Variants in NECAB1 observed in about 807,000 individuals in gnomAD.
NECAB1 encodes N-terminal EF-hand calcium binding protein 1.
Under a neutral mutation model 57.5 loss-of-function variants are expected in NECAB1, and 29 were observed. That is an observed-to-expected ratio of 0.50 (90% CI 0.38 to 0.69). NECAB1 has a LOEUF of 0.69. NECAB1 is among the 30% of genes least tolerant of loss of function. The pLI, the probability that NECAB1 is intolerant of heterozygous loss-of-function variation, is 0.00. For synonymous variants in NECAB1, 142 were observed against 147.7 expected, an observed-to-expected ratio of 0.96 and a Z score of 0.28; for missense variants, 372 against 413.8, an observed-to-expected ratio of 0.90 and a Z score of 0.88.
intron 9 of NECAB1, chr8:90,940,478 C>A: frequency 3.8e-6 from 1 of 263,394 alleles, no homozygotes; most frequent in Admixed American, 4.5e-5. Context: ...GGGCCCCACT[C>A]CCAGAGATTT....
intron 5 of NECAB1, among the ~76,000 whole-genome samples, chr8:90,892,165 A>T (rs182818325): frequency 1.5e-3 from 225 of 152,338 alleles, no homozygotes; most frequent in African/African-American, 5.3e-3. Flanking sequence ...GACATAGCTT[A>T]TCACTCTCTT....
intron 5 of NECAB1, among the ~76,000 whole-genome samples, chr8:90,907,122 TTGTGTGTGTGTG>T (rs111590584): frequency 3.2e-4 from 41 of 129,856 alleles, no homozygotes; most frequent in African/African-American, 9.1e-4. Flanking sequence ...CCACCCAATT[TTGTGTGTGTGTG>T]TGTGTGTGTG....
chr8:90,955,326 C>A (rs1811011189), intron 12 of NECAB1, among the ~76,000 whole-genome samples, 161 bp from the exon 13 acceptor site: 1 of 151,014 alleles, frequency 6.6e-6, no homozygotes, highest in African/African-American at 2.4e-5. Context: ...AGGAAGAGTT[C>A]AATCTTGCCT....
intron 3 of NECAB1, among the ~76,000 whole-genome samples, chr8:90,849,686 A>ATT (rs34779201): frequency 0.18 from 15,270 of 83,090 alleles, 1,568 homozygotes; most frequent in East Asian, 0.41. Flanking sequence ...GTTTCCAGTA[A>ATT]TTTTTTTTTT....
chr8:90,859,197 G>A (rs1812850116), intron 3 of NECAB1: 1 of 152,206 alleles, frequency 6.6e-6, no homozygotes, highest in Admixed American at 6.5e-5. Flanking sequence ...GCTGCTGGGA[G>A]GGTTTCCAGA....
At position 90,955,679 on chromosome 8, in the gene NECAB1, T is replaced by C; in HGVS notation, c.*167T>C. On this transcript the variant is annotated 3_prime_UTR_variant, in exon 13 of 13. Coordinates refer to ENST00000417640, the MANE Select transcript of NECAB1 (RefSeq NM_022351.5). Reference sequence around the variant, plus strand: ...TATTCTATAACTTTATCAATTCATGTGAATTTTAGCTCAATTTTCAAAGTT... The same window carrying C: ...TATTCTATAACTTTATCAATTCATGCGAATTTTAGCTCAATTTTCAAAGTT... 1 of 486,476 alleles carries C rather than the reference T, an allele frequency of 2.1e-6. No homozygotes were observed. Among genetic ancestry groups the C allele is most frequent in the East Asian group, 3.4e-5 (1 of 29,304 alleles). The allele number at this position is 486,476 out of a possible 1,614,324, so 30.1% of individuals were successfully genotyped here.
At position 90,954,067 on chromosome 8, in the gene NECAB1, AAAATAAATAAAT is replaced by A. The variant is rs60959508; in HGVS notation, c.1031-1382_1031-1371del. ...CTGGGTGACAGAACGAGACTGTCTCAAAATAAATAAATAAATAAATAAATAAATAAATAAATA... is the reference window on the plus strand; with the variant it reads ...CTGGGTGACAGAACGAGACTGTCTCAAAATAAATAAATAAATAAATAAATA... On this transcript the variant is annotated intron_variant, in intron 12 of 12. Coordinates refer to ENST00000417640, the MANE Select transcript of NECAB1 (RefSeq NM_022351.5). 8.5e-3 allele frequency among the ~76,000 whole-genome samples: 1,218 copies of A among 142,646 alleles called. 6 individuals carry two copies. Among genetic ancestry groups the A allele is most frequent in the African/African-American group, 0.015 (582 of 38,658 alleles). The allele number at this position is 142,646 out of a possible 152,430, so 93.6% of individuals were successfully genotyped here. A position where few individuals can be genotyped will look rare whatever the true frequency, so the allele number is the denominator to read the frequency against.
intron 3 of NECAB1, among the ~76,000 whole-genome samples, chr8:90,865,926 A>G (rs73694320): frequency 0.042 from 6,334 of 152,250 alleles, 461 homozygotes; most frequent in African/African-American, 0.14. Flanking sequence ...CACCTGATCT[A>G]TTTCAGGAGG....
intron 3 of NECAB1, among the ~76,000 whole-genome samples, chr8:90,843,702 T>C (rs1812500378): frequency 6.6e-6 from 1 of 152,208 alleles, no homozygotes; most frequent in Non-Finnish European, 1.5e-5. Context: ...GGCTGTGGGC[T>C]AGAAACTGTG....
At chr8:90,896,818 A>G (rs969493834) in intron 5 of NECAB1, among the ~76,000 whole-genome samples, 1 of 152,000 alleles carries the variant, frequency 6.6e-6, no homozygotes, top group African/African-American at 2.4e-5. Flanking sequence ...CACCTGCTCC[A>G]CCCTAACTCA....
chr8:90,837,782 C>G (rs546625835), intron 3 of NECAB1, among the ~76,000 whole-genome samples: 125 of 152,288 alleles, frequency 8.2e-4, no homozygotes, highest in Non-Finnish European at 1.5e-3. Context: ...TGATCCTTTT[C>G]CAAGCTTGAG....
intron 3 of NECAB1, among the ~76,000 whole-genome samples, chr8:90,834,928 C>A (rs1334283455): frequency 6.6e-6 from 1 of 151,756 alleles, no homozygotes; most frequent in Non-Finnish European, 1.5e-5. Context: ...TGTATTTTTT[C>A]CATGTTTATG....
intron 5 of NECAB1, among the ~76,000 whole-genome samples, chr8:90,882,743 T>G (rs1052028803): frequency 6.6e-6 from 1 of 152,210 alleles, no homozygotes; most frequent in African/African-American, 2.4e-5. Context: ...ATGTTTTCGT[T>G]GTTGTTTATT....
chr8:90,900,554 C>G (rs1336652910), intron 5 of NECAB1, among the ~76,000 whole-genome samples: 1 of 152,110 alleles, frequency 6.6e-6, no homozygotes, highest in African/African-American at 2.4e-5. Context: ...GAATCTTATC[C>G]TCTATAAGGG....
At chr8:90,902,303 C>T (rs1050004364) in intron 5 of NECAB1, among the ~76,000 whole-genome samples, 2 of 152,048 alleles carry the variant, frequency 1.3e-5, no homozygotes, top group Admixed American at 1.3e-4. Context: ...GCCTGTAGTC[C>T]CAACTATTCG....
intron 3 of NECAB1, among the ~76,000 whole-genome samples, chr8:90,867,043 A>G (rs1483083441): frequency 1.3e-5 from 2 of 152,236 alleles, no homozygotes; most frequent in African/African-American, 4.8e-5. Flanking sequence ...AAAACGTGGC[A>G]CATCTACTAG....
At chr8:90,897,074 T>TAA (rs374399267) in intron 5 of NECAB1, among the ~76,000 whole-genome samples, 29 of 151,464 alleles carry the variant, frequency 1.9e-4, no homozygotes, top group Admixed American at 6.6e-4. Flanking sequence ...AAAGAAAATT[T>TAA]AAAAAAAATA....
intron 4 of NECAB1, among the ~76,000 whole-genome samples, chr8:90,874,581 A>T (rs146801668): frequency 6.6e-6 from 1 of 152,292 alleles, no homozygotes; most frequent in Non-Finnish European, 1.5e-5. Context: ...ATATATGTGT[A>T]CGTGTTGTTG....
intron 5 of NECAB1, among the ~76,000 whole-genome samples, chr8:90,904,748 G>A (rs1809595631): frequency 1.3e-5 from 2 of 152,174 alleles, no homozygotes; most frequent in Non-Finnish European, 2.9e-5. Context: ...GTTAGAACAT[G>A]TATAGAAACC....
Sources: allele counts gnomAD v4.1 joint callset (sites outside exome capture counted in the v4.1 genomes callset), GRCh38; gene constraint gnomAD v4.1.1; transcripts MANE v1.5; gene names NCBI Gene and HGNC (gene_info 2026-07-23, HGNC 2026-07-21).